The following AZI2 variants were observed in gnomAD, a reference collection of about 807,000 sequenced individuals.
AZI2 encodes the protein 5-azacytidine induced 2.
A neutral mutation model predicts 45.8 loss-of-function variants in AZI2; 22 were observed. The ratio of observed to expected loss-of-function variants is 0.48; its 90% CI spans 0.34 to 0.69. AZI2 has a LOEUF of 0.69. AZI2 is among the 30% of genes least tolerant of loss of function. The probability of loss-of-function intolerance (pLI) is 0.01; values close to 1 mark genes in which losing one functional copy is unlikely to be tolerated. For missense variants in AZI2, 417 were observed against 441.5 expected (o/e 0.94, Z 0.50); for synonymous variants, 137 against 156.7 (o/e 0.87, Z 0.94).
chr3:28,331,077 A>G (rs1390956850), intron 6 of AZI2, among the ~76,000 whole-genome samples: 1 of 151,364 alleles, frequency 6.6e-6, no homozygotes, highest in Non-Finnish European at 1.5e-5. Flanking sequence ...TGGGGGAGTC[A>G]GGTTTTCAAG....
intron 6 of AZI2, among the ~76,000 whole-genome samples, chr3:28,330,646 G>A (rs1489690861): frequency 1.3e-5 from 2 of 151,262 alleles, no homozygotes; most frequent in African/African-American, 4.8e-5. Context: ...ACCAACAGTA[G>A]GCCACAAATT....
At chr3:28,340,743 G>A (rs565531001) in intron 1 of AZI2, 121 bp from the exon 2 acceptor site, 1 of 760,372 alleles carries the variant, frequency 1.3e-6, no homozygotes, top group East Asian at 2.8e-5. Context: ...GACTGCCTGG[G>A]TTGTATTCTA....
chr3:28,332,324 T>C lies in AZI2; in HGVS notation c.647+45A>G, dbSNP rs774554713. The C allele has an allele frequency of 8.5e-6, 13 of 1,528,694 alleles. No individual in the cohort carries two copies. In the African/African-American group the frequency reaches 1.7e-4, roughly 20 times the overall value. 94.7% of individuals were successfully genotyped at this position (1,528,694 alleles called of 1,614,324 possible). A position where few individuals can be genotyped will look rare whatever the true frequency, so the allele number is the denominator to read the frequency against. On this transcript the variant is annotated intron_variant, in intron 6 of 7. Coordinates refer to ENST00000479665, the MANE Select transcript of AZI2 (RefSeq NM_022461.5). ...CTAAGGACCTACACAAAGTGACTTA[T>C]GGAAGAAGACAACGTATTGTCTTAA...
At position 28,331,328 on chromosome 3, in the gene AZI2, A is replaced by C. The variant is rs540357460; in HGVS notation, c.647+1041T>G. Among the ~76,000 whole-genome samples, 4 of 151,638 alleles carry C rather than the reference A, an allele frequency of 2.6e-5. No individual in the cohort carries two copies. The South Asian group carries it at 8.3e-4, about 31-fold the overall frequency. On this transcript the variant is annotated intron_variant, in intron 6 of 7. Coordinates refer to ENST00000479665, the MANE Select transcript of AZI2 (RefSeq NM_022461.5). ...GAGAAAAGATAACAAGATAATTTTA[A>C]GGAATAGTTTACATGGATACTATAC...
At position 28,332,394 on chromosome 3, in the gene AZI2, C is replaced by A. The variant is rs377211948; in HGVS notation, c.622G>T (p.Asp208Tyr). ...PYQEDNLKSR[D>Y]LQKLSISSDN... ...CTTGAAATGCTTAGTTTTTGGAGAT[C>A]TCTGCTCTTCAGATTGTCTTCCTGA... Residue 208 changes from aspartate to tyrosine, a missense_variant, in exon 6 of 8, where the codon GAT (aspartate) becomes TAT (tyrosine). Coordinates refer to ENST00000479665, the MANE Select transcript of AZI2 (RefSeq NM_022461.5). 4 of 1,608,574 alleles carry A rather than the reference C, an allele frequency of 2.5e-6. No homozygotes were observed. The highest frequency in any genetic ancestry group is 1.7e-4 in the Middle Eastern group (1 of 6,032).
chr3:28,335,527 T>A (rs1261814454), intron 5 of AZI2, among the ~76,000 whole-genome samples: 50 of 151,962 alleles, frequency 3.3e-4, no homozygotes, highest in Admixed American at 3.2e-3. Flanking sequence ...GAGTTGACAG[T>A]AATTTTTGTA....
chr3:28,324,466 A>G lies in AZI2; in HGVS notation c.767-12T>C, dbSNP rs377409936. On this transcript the variant is annotated splice_polypyrimidine_tract_variant and intron_variant, in intron 7 of 7. Coordinates refer to ENST00000479665, the MANE Select transcript of AZI2 (RefSeq NM_022461.5). ...TACAGGGGCACAGGCTAAAAAGAAAACACAGACTAAATGTCAGTTTTCATT... is the reference window on the plus strand; with the variant it reads ...TACAGGGGCACAGGCTAAAAAGAAAGCACAGACTAAATGTCAGTTTTCATT... The G allele has an allele frequency of 3.7e-5, 54 of 1,451,150 alleles. No individual in the cohort carries two copies. The highest frequency in any genetic ancestry group is 4.8e-5 in the Non-Finnish European group (53 of 1,095,366). The allele number at this position is 1,451,150 out of a possible 1,614,324, so 89.9% of individuals were successfully genotyped here.
intron 3 of AZI2, 51 bp downstream of exon 3, chr3:28,338,442 G>T (rs1457119129): frequency 1.3e-6 from 2 of 1,485,306 alleles, no homozygotes; most frequent in East Asian, 2.3e-5. Context: ...CCTCTTGAAG[G>T]AGAAAATTCA....
At chr3:28,332,244 T>A in intron 6 of AZI2, 125 bp downstream of exon 6, 1 of 756,644 alleles carries the variant, frequency 1.3e-6, no homozygotes, top group Non-Finnish European at 2.2e-6. Flanking sequence ...AGAGGTTACA[T>A]CAGTATCCAA....
intron 2 of AZI2, among the ~76,000 whole-genome samples, chr3:28,339,725 A>T (rs891872370): frequency 6.6e-6 from 1 of 152,130 alleles, no homozygotes; most frequent in Non-Finnish European, 1.5e-5. Flanking sequence ...TGTAGGATAA[A>T]AATGCTCTTA....
intron 4 of AZI2, among the ~76,000 whole-genome samples, chr3:28,337,558 G>C (rs771186759): frequency 1.1e-4 from 16 of 152,100 alleles, no homozygotes; most frequent in Middle Eastern, 3.2e-3. Flanking sequence ...AAAAGAAATT[G>C]TAACAACTTC....
At position 28,324,204 on chromosome 3, in the gene AZI2, A is replaced by G. The variant is rs746751255; in HGVS notation, c.1017T>C (p.Tyr339=). The G allele has an allele frequency of 1.3e-5, 21 of 1,610,636 alleles. No individual in the cohort carries two copies. The highest frequency in any genetic ancestry group is 1.1e-4 in the East Asian group (5 of 44,802). Residue 339 remains tyrosine, a synonymous_variant, in exon 8 of 8, where the codon TAT becomes TAC. Coordinates refer to ENST00000479665, the MANE Select transcript of AZI2 (RefSeq NM_022461.5). ...AATTGTCTTCCAGAGAATTTCTGCC[A>G]TAAGAACTGTGTTCCTGAAAGCATG... ...DGTCFQEHSS[Y]GRNSLEDNSW... is the part of the protein sequence containing the mutation.
intron 6 of AZI2, among the ~76,000 whole-genome samples, chr3:28,328,964 G>A (rs944926781): frequency 2.6e-5 from 4 of 151,160 alleles, no homozygotes; most frequent in Non-Finnish European, 5.9e-5. Context: ...GTATTTCAAA[G>A]ACAATGTATA....
chr3:28,329,792 T>C (rs1703510547), intron 6 of AZI2, among the ~76,000 whole-genome samples: 1 of 151,278 alleles, frequency 6.6e-6, no homozygotes, highest in Non-Finnish European at 1.5e-5. Context: ...CAAGTGGCTC[T>C]CATTTTTTAT....
Position 28,324,173 on chromosome 3 carries a change from C to T in AZI2, c.1048G>A (p.Val350Ile), listed in dbSNP as rs1703292524. Residue 350 changes from valine to isoleucine, a missense_variant, in exon 8 of 8, where the codon GTA becomes ATA. Transcript: ENST00000479665. ...CTTGATTTAGGAGGACTTGGAAATACCCAGGAATTGTCTTCCAGAGAATTT... is the reference window on the plus strand; with the variant it reads ...CTTGATTTAGGAGGACTTGGAAATATCCAGGAATTGTCTTCCAGAGAATTT... ...GRNSLEDNSW[V>I]FPSPPKSSET... The T allele has an allele frequency of 6.2e-7, 1 of 1,610,680 alleles. No individual in the cohort carries two copies. Among genetic ancestry groups the T allele is most frequent in the Non-Finnish European group, 8.5e-7 (1 of 1,177,612 alleles).
At position 28,323,905 on chromosome 3, in the gene AZI2, A is replaced by T; in HGVS notation, c.*137T>A. ...TATGTTGGTTTTTGTACTATTGTAC[A>T]GTGTGTTCAAATATAGATACTGAAG... On this transcript the variant is annotated 3_prime_UTR_variant, in exon 8 of 8. Coordinates refer to ENST00000479665, the MANE Select transcript of AZI2 (RefSeq NM_022461.5). 2.1e-6 allele frequency: 2 copies of T among 949,570 alleles called. No homozygotes were observed. Among genetic ancestry groups the T allele is most frequent in the Non-Finnish European group, 3.1e-6 (2 of 638,822 alleles). The allele number at this position is 949,570 out of a possible 1,614,324, so 58.8% of individuals were successfully genotyped here. A position where few individuals can be genotyped will look rare whatever the true frequency, so the allele number is the denominator to read the frequency against.
At chr3:28,332,666 T>C (rs1011187255) in intron 5 of AZI2, among the ~76,000 whole-genome samples, 6 of 151,726 alleles carry the variant, frequency 4.0e-5, no homozygotes, top group Admixed American at 2.6e-4. Context: ...AAGAATAAAA[T>C]TGCTCTCATT....
At chr3:28,341,030 A>G (rs1346720092) in intron 1 of AZI2, among the ~76,000 whole-genome samples, 1 of 152,026 alleles carries the variant, frequency 6.6e-6, no homozygotes, top group African/African-American at 2.4e-5. Flanking sequence ...AGCAAGTTTC[A>G]TAGCTTCTCA....
rs1703243568 is a variant in AZI2 at position 28,323,154 on chromosome 3, A to G, written c.*888T>C. 6.6e-6 allele frequency: 1 copy of G among 150,936 alleles called. No individual in the cohort carries two copies. The allele number at this position is 150,936 out of a possible 1,614,324, so 9.3% of individuals were successfully genotyped here. A position where few individuals can be genotyped will look rare whatever the true frequency, so the allele number is the denominator to read the frequency against. Reference sequence around the variant, plus strand: ...TCAACACAAAGTCTAACAATTTAGAAGCTGCTCTACACAATGTGCAGCTAG... The same window carrying G: ...TCAACACAAAGTCTAACAATTTAGAGGCTGCTCTACACAATGTGCAGCTAG... On this transcript the variant is annotated 3_prime_UTR_variant, in exon 8 of 8. Coordinates refer to ENST00000479665, the MANE Select transcript of AZI2 (RefSeq NM_022461.5).
Sources: gnomAD v4.1 joint callset for allele counts (sites outside exome capture counted in the v4.1 genomes callset) on GRCh38, gnomAD v4.1.1 for gene constraint, MANE v1.5 for transcripts, NCBI Gene and HGNC (gene_info 2026-07-23, HGNC 2026-07-21) for gene names.